Variants in LYRM4 observed in about 807,000 individuals in gnomAD.
The protein encoded by LYRM4 is LYR motif-containing protein 4.
Under a neutral mutation model 11.7 loss-of-function variants are expected in LYRM4, and 9 were observed. The ratio of observed to expected loss-of-function variants is 0.77; its 90% CI spans 0.46 to 1.34. The LOEUF is 1.34. Among genes scored for constraint, LYRM4 ranks in the 40% most tolerant of loss-of-function variants. The pLI is 0.00. For missense variants in LYRM4, 133 were observed against 112.5 expected (o/e 1.18, Z -0.82); for synonymous variants, 42 against 40.4 (o/e 1.04, Z -0.15).
At chr6:5,192,997 C>T (rs563623129) in intron 2 of LYRM4, among the ~76,000 whole-genome samples, 3 of 152,322 alleles carry the variant, frequency 2.0e-5, no homozygotes, top group African/African-American at 7.2e-5. Context: ...GTACTCCAGC[C>T]TGGGTGACAG....
At chr6:5,234,052 C>T (rs1321073757) in intron 1 of LYRM4, among the ~76,000 whole-genome samples, 1 of 151,346 alleles carries the variant, frequency 6.6e-6, no homozygotes, top group Non-Finnish European at 1.5e-5. Context: ...AACGGGTCAC[C>T]ACAATTGGCT....
At chr6:5,119,525 A>C (rs1763309199) in intron 2 of LYRM4, among the ~76,000 whole-genome samples, 1 of 151,974 alleles carries the variant, frequency 6.6e-6, no homozygotes, top group Non-Finnish European at 1.5e-5. Flanking sequence ...GGTGTCTCAC[A>C]CCTGTGATCC....
chr6:5,037,890 C>A, the LYRM4 span, among the ~76,000 whole-genome samples: 1 of 49,078 alleles, frequency 2.0e-5, no homozygotes, highest in South Asian at 8.1e-4. Flanking sequence ...TAGGGGCGGC[C>A]GGGCAAAGGC....
At chr6:5,233,531 T>C (rs980349396) in intron 1 of LYRM4, among the ~76,000 whole-genome samples, 5 of 152,164 alleles carry the variant, frequency 3.3e-5, no homozygotes, top group Admixed American at 1.3e-4. Context: ...GCACAAAACT[T>C]CTACCCAGCC....
At chr6:5,100,697 G>T (rs1354787996), downstream of LYRM4, among the ~76,000 whole-genome samples, 2 of 152,148 alleles carry the variant, frequency 1.3e-5, no homozygotes, top group Admixed American at 6.5e-5. Context: ...CTGCAACCAG[G>T]ACTCTGCAAA....
the LYRM4 span, chr6:5,086,097 G>A: frequency 5.5e-6 from 8 of 1,466,910 alleles, 1 homozygote; most frequent in Admixed American, 2.0e-4. Flanking sequence ...TCCAGCTCCC[G>A]GGGCCGAGCG....
intron 2 of LYRM4, among the ~76,000 whole-genome samples, chr6:5,212,264 C>T (rs1456796607): frequency 1.3e-5 from 2 of 152,230 alleles, no homozygotes; most frequent in African/African-American, 2.4e-5. Flanking sequence ...GTTATTCTAA[C>T]TAACGCCTTG....
chr6:5,081,704 T>C, the LYRM4 span, among the ~76,000 whole-genome samples: 325 of 152,370 alleles, frequency 2.1e-3, no homozygotes, highest in African/African-American at 7.6e-3. Context: ...AGAACATTTG[T>C]TATTACTTAC....
At chr6:5,143,349 A>G (rs955049441) in intron 2 of LYRM4, among the ~76,000 whole-genome samples, 6 of 152,228 alleles carry the variant, frequency 3.9e-5, no homozygotes, top group African/African-American at 1.4e-4. Flanking sequence ...CTTCAGGCCC[A>G]TAACTGTGTG....
At chr6:5,223,424 C>T (rs748492993) in intron 1 of LYRM4, among the ~76,000 whole-genome samples, 18 of 152,174 alleles carry the variant, frequency 1.2e-4, no homozygotes, top group Non-Finnish European at 2.4e-4. Flanking sequence ...TCGTAAGTGG[C>T]AGAGCTGGGT....
chr6:5,147,918 C>T (rs2127634425), intron 2 of LYRM4, among the ~76,000 whole-genome samples: 1 of 152,328 alleles, frequency 6.6e-6, no homozygotes, highest in East Asian at 1.9e-4. Flanking sequence ...AGATTACTGT[C>T]CGACTTTCCT....
chr6:5,210,026 C>A (rs971472614), intron 2 of LYRM4, among the ~76,000 whole-genome samples: 1 of 152,262 alleles, frequency 6.6e-6, no homozygotes, highest in South Asian at 2.1e-4. Flanking sequence ...GAGGTGCTAA[C>A]AATATGAATG....
intron 2 of LYRM4, among the ~76,000 whole-genome samples, chr6:5,166,842 C>T (rs535922379): frequency 6.6e-5 from 10 of 152,258 alleles, no homozygotes; most frequent in South Asian, 2.1e-4. Flanking sequence ...TCTTTTCCTT[C>T]GATATAAGTT....
intron 2 of LYRM4, chr6:5,132,568 T>A (rs907764415): frequency 2.0e-5 from 3 of 152,234 alleles, no homozygotes; most frequent in African/African-American, 7.2e-5. Flanking sequence ...GTGGGAGGTT[T>A]GATTTCCAAG....
chr6:5,130,895 G>A (rs1561816695), intron 2 of LYRM4, among the ~76,000 whole-genome samples: 1 of 151,944 alleles, frequency 6.6e-6, no homozygotes, highest in Non-Finnish European at 1.5e-5. Context: ...ATAGTCACTT[G>A]ATAAAAACCA....
chr6:5,226,288 T>A (rs982983050), intron 1 of LYRM4, among the ~76,000 whole-genome samples: 8 of 152,196 alleles, frequency 5.3e-5, no homozygotes, highest in African/African-American at 1.9e-4. Flanking sequence ...TTAAGCCATG[T>A]GTTTCATGGC....
chr6:5,203,994 T>C (rs566154057), intron 2 of LYRM4, among the ~76,000 whole-genome samples: 1 of 152,368 alleles, frequency 6.6e-6, no homozygotes, highest in East Asian at 1.9e-4. Context: ...GGCCCAGCGC[T>C]GTGCTGTGTG....
the LYRM4 span, among the ~76,000 whole-genome samples, chr6:5,093,111 A>G: frequency 6.6e-6 from 1 of 152,236 alleles, no homozygotes; most frequent in East Asian, 1.9e-4. Context: ...CCCACCCGCA[A>G]CCCCTCCCAA....
At chr6:5,176,841 A>G (rs147679300) in intron 2 of LYRM4, among the ~76,000 whole-genome samples, 1 of 152,326 alleles carries the variant, frequency 6.6e-6, no homozygotes, top group East Asian at 1.9e-4. Context: ...TTCATCTACA[A>G]TGGCATGAGG....
Sources: gnomAD v4.1 joint callset for allele counts (sites outside exome capture counted in the v4.1 genomes callset) on GRCh38, gnomAD v4.1.1 for gene constraint, MANE v1.5 for transcripts, NCBI Gene and HGNC (gene_info 2026-07-23, HGNC 2026-07-21) for gene names.